Variants in CLYBL observed in about 807,000 individuals in gnomAD.
The protein encoded by CLYBL is citramalyl-CoA lyase, also known as citramalyl-CoA lyase, mitochondrial.
Under a neutral mutation model 38.9 loss-of-function variants are expected in CLYBL, and 31 were observed. The ratio of observed to expected loss-of-function variants is 0.80; its 90% CI spans 0.60 to 1.08. CLYBL has a LOEUF of 1.08. Among genes scored for constraint, CLYBL ranks in the 50% least tolerant of loss-of-function variants. CLYBL has a pLI of 0.00. For synonymous variants in CLYBL, 171 were observed against 158.6 expected, an observed-to-expected ratio of 1.08 and a Z score of -0.59; for missense variants, 434 against 411.6, an observed-to-expected ratio of 1.05 and a Z score of -0.47.
At chr13:99,728,305 G>A (rs1403569386) in intron 1 of CLYBL, among the ~76,000 whole-genome samples, 1 of 143,718 alleles carries the variant, frequency 7.0e-6, no homozygotes, top group African/African-American at 2.6e-5. Context: ...TTGAGATGGA[G>A]TCTCACTCTT....
intron 1 of CLYBL, among the ~76,000 whole-genome samples, chr13:99,692,286 GTTT>G (rs71215539): frequency 1.7e-5 from 2 of 115,886 alleles, no homozygotes; most frequent in South Asian, 5.9e-4. Context: ...TGTTTTTTTT[GTTT>G]TTTTTTTTTT....
chr13:99,908,523 T>C (rs2052720200), exon 10 of CLYBL, among the ~76,000 whole-genome samples: 2 of 152,240 alleles, frequency 1.3e-5, no homozygotes, highest in African/African-American at 4.8e-5. Flanking sequence ...AAAAAGCTTT[T>C]CCTGAGCTTT....
chr13:99,891,532 A>G, intron 8 of CLYBL, 95 bp downstream of exon 8: 1 of 647,484 alleles, frequency 1.5e-6, no homozygotes, highest in East Asian at 2.8e-5. Flanking sequence ...CTCCATTTAC[A>G]GTTCATGTTA....
At chr13:99,870,650 C>T (rs116000264) in intron 6 of CLYBL, among the ~76,000 whole-genome samples, 217 of 152,278 alleles carry the variant, frequency 1.4e-3, no homozygotes, top group African/African-American at 5.0e-3. Flanking sequence ...GCTGCCTAGT[C>T]AGCCCACCTG....
intron 1 of CLYBL, among the ~76,000 whole-genome samples, chr13:99,715,885 A>G (rs973629555): frequency 9.2e-5 from 14 of 152,120 alleles, no homozygotes; most frequent in African/African-American, 3.4e-4. Context: ...CATCTCTTAT[A>G]AGGGATTGAT....
At chr13:99,699,739 A>G (rs1052166752) in intron 1 of CLYBL, among the ~76,000 whole-genome samples, 18 of 151,254 alleles carry the variant, frequency 1.2e-4, no homozygotes, top group Admixed American at 9.3e-4. Context: ...CACGCCTGTA[A>G]TCCCAGCACT....
chr13:99,719,338 G>C (rs537509484), intron 1 of CLYBL, among the ~76,000 whole-genome samples: 27 of 151,314 alleles, frequency 1.8e-4, no homozygotes, highest in African/African-American at 6.1e-4. Context: ...TTAATTATGA[G>C]ATGGAGTCTT....
At chr13:99,882,874 C>T (rs2052247275) in intron 7 of CLYBL, among the ~76,000 whole-genome samples, 1 of 151,966 alleles carries the variant, frequency 6.6e-6, no homozygotes, top group East Asian at 1.9e-4. Flanking sequence ...AACTGACATC[C>T]TTTCCCCTAG....
intron 6 of CLYBL, among the ~76,000 whole-genome samples, chr13:99,868,434 G>A (rs2051804978): frequency 6.6e-6 from 1 of 152,148 alleles, no homozygotes; most frequent in African/African-American, 2.4e-5. Flanking sequence ...AGGAAAAGTG[G>A]GGAGGAGAGA....
intron 2 of CLYBL, among the ~76,000 whole-genome samples, chr13:99,841,812 CTTTTTTTTTT>C (rs67827288): frequency 9.5e-6 from 1 of 105,396 alleles, no homozygotes; most frequent in African/African-American, 4.2e-5. Flanking sequence ...TTTTCTTTTC[CTTTTTTTTTT>C]TTTTTTTTTC....
In CLYBL at chr13:99,837,725, G is replaced by A. The variant is rs1439589747; in HGVS notation, c.250-21136G>A. 7.9e-5 allele frequency among the ~76,000 whole-genome samples: 12 copies of A among 152,284 alleles called. No individual in the cohort carries two copies. In the East Asian group the frequency reaches 2.1e-3, roughly 27 times the overall value. ...TTTGGGCACTGTTTGCCCAATAGGC[G>A]AGGCATTTATGTGTGCACCAGCGCA... is the stretch of plus-strand genomic sequence containing the variant. On this transcript the variant is annotated intron_variant, in intron 2 of 8. Coordinates refer to ENST00000339105, the MANE Select transcript of CLYBL (RefSeq NM_206808.5).
intron 2 of CLYBL, among the ~76,000 whole-genome samples, chr13:99,819,442 ATATATATATATAT>A: frequency 1.1e-5 from 1 of 87,740 alleles, no homozygotes; most frequent in African/African-American, 3.7e-5. Flanking sequence ...ATATATATAT[ATATATATATATAT>A]ATATATATAT....
intron 1 of CLYBL, among the ~76,000 whole-genome samples, chr13:99,666,958 T>C (rs529815163): frequency 6.6e-6 from 1 of 152,116 alleles, no homozygotes; most frequent in African/African-American, 2.4e-5. Flanking sequence ...AGTGGATGCC[T>C]CTCACCCTGC....
At chr13:99,607,103 C>T (rs1482572487) in intron 1 of CLYBL, among the ~76,000 whole-genome samples, 2 of 152,210 alleles carry the variant, frequency 1.3e-5, no homozygotes, top group Non-Finnish European at 2.9e-5. Flanking sequence ...ACCTGCGGTT[C>T]GTTTAACACA....
chr13:99,783,908 A>G (rs57187047), intron 2 of CLYBL: 1 of 152,460 alleles, frequency 6.6e-6, no homozygotes, highest in East Asian at 1.9e-4. Context: ...GGCATTCTAT[A>G]GAGAACTTCA....
At chr13:99,836,587 G>A (rs2050940036) in intron 2 of CLYBL, among the ~76,000 whole-genome samples, 2 of 152,204 alleles carry the variant, frequency 1.3e-5, no homozygotes, top group African/African-American at 2.4e-5. Context: ...GCATGGTGAT[G>A]CCACGGTGCC....
chr13:99,847,238 C>T (rs1047120869), intron 2 of CLYBL, among the ~76,000 whole-genome samples: 2 of 152,116 alleles, frequency 1.3e-5, no homozygotes, highest in African/African-American at 2.4e-5. Context: ...GAAAGGCTGG[C>T]GGACCCTGCC....
chr13:99,762,888 T>C (rs1329296119), intron 1 of CLYBL, among the ~76,000 whole-genome samples: 3 of 152,196 alleles, frequency 2.0e-5, no homozygotes, highest in Admixed American at 1.3e-4. Context: ...TTTTATTTAT[T>C]TGGTTAAATT....
chr13:99,645,497 CAAAA>C (rs35412408), intron 1 of CLYBL, among the ~76,000 whole-genome samples: 3 of 94,186 alleles, frequency 3.2e-5, no homozygotes, highest in South Asian at 3.7e-4. Context: ...GACTCTGTCT[CAAAA>C]AAAAAAAAAA....
Sources: allele counts gnomAD v4.1 joint callset (sites outside exome capture counted in the v4.1 genomes callset), GRCh38; gene constraint gnomAD v4.1.1; transcripts MANE v1.5; gene names NCBI Gene and HGNC (gene_info 2026-07-23, HGNC 2026-07-21).